The following CAPN8 variants were observed in gnomAD, a reference collection of about 807,000 sequenced individuals.
The protein encoded by CAPN8 is calpain 8.
Under a neutral mutation model 80.9 loss-of-function variants are expected in CAPN8, and 87 were observed. That is an observed-to-expected ratio of 1.07 (90% CI 0.90 to 1.28). The LOEUF (loss-of-function observed/expected upper bound fraction) is 1.28. CAPN8 is among the 50% of genes most tolerant of loss of function. The pLI, the probability that CAPN8 is intolerant of heterozygous loss-of-function variation, is 0.00. For synonymous variants in CAPN8, 299 were observed against 273.8 expected (o/e 1.09, Z -0.91); for missense variants, 757 against 702.0 (o/e 1.08, Z -0.89).
intron 9 of CAPN8, chr1:223,617,956 T>G: frequency 2.9e-6 from 1 of 343,712 alleles, no homozygotes; most frequent in Non-Finnish European, 5.4e-6. Flanking sequence ...AGCTTTGGGT[T>G]GGATGGGTGA....
At chr1:223,649,515 C>T (rs1332289687) in intron 2 of CAPN8, among the ~76,000 whole-genome samples, 1 of 152,166 alleles carries the variant, frequency 6.6e-6, no homozygotes, top group Non-Finnish European at 1.5e-5. Flanking sequence ...ACCTCCAACC[C>T]CCTTAATGTA....
At chr1:223,550,647 G>C (rs1656758526) in intron 15 of CAPN8, among the ~76,000 whole-genome samples, 1 of 152,136 alleles carries the variant, frequency 6.6e-6, no homozygotes, top group Non-Finnish European at 1.5e-5. Flanking sequence ...ATTCACTTAA[G>C]TCAATCCCAG....
intron 4 of CAPN8, among the ~76,000 whole-genome samples, chr1:223,627,416 T>G (rs1327530078): frequency 1.3e-5 from 2 of 152,202 alleles, no homozygotes; most frequent in African/African-American, 2.4e-5. Context: ...CCTCCAGAGT[T>G]GGCCCCAGCT....
Position 223,654,325 on chromosome 1 carries a change from C to T in CAPN8, c.307+5G>A. The T allele has an allele frequency of 6.4e-7, 1 of 1,551,546 alleles. No individual in the cohort carries two copies. The highest frequency in any genetic ancestry group is 8.7e-7 in the Non-Finnish European group (1 of 1,146,878). On this transcript the variant is annotated splice_donor_5th_base_variant and intron_variant, in intron 2 of 20. Transcript: ENST00000366872. The stretch of plus-strand genomic sequence containing the variant: ...AAACAAATAAGACTCTCCCCAGTTA[C>T]TCACCTAGACCACCCTGACAAATGT...
chr1:223,656,513 A>G (rs1368237536), intron 1 of CAPN8, among the ~76,000 whole-genome samples: 1 of 152,102 alleles, frequency 6.6e-6, no homozygotes, highest in Non-Finnish European at 1.5e-5. Flanking sequence ...AAAAACTAAT[A>G]CATGAACATG....
chr1:223,650,474 C>T (rs1015790217), intron 2 of CAPN8, among the ~76,000 whole-genome samples: 15 of 152,206 alleles, frequency 9.9e-5, no homozygotes, highest in Admixed American at 5.2e-4. Context: ...CATCACAGTC[C>T]TTTTCTGAGA....
chr1:223,543,072 A>G (rs563902175), intron 20 of CAPN8, 36 bp downstream of exon 20: 11 of 1,550,784 alleles, frequency 7.1e-6, no homozygotes, highest in Non-Finnish European at 9.6e-6. Flanking sequence ...TCAGAGTACC[A>G]TCAGCCAGCA....
intron 18 of CAPN8, chr1:223,544,403 C>T (rs776001640): frequency 1.7e-6 from 1 of 588,268 alleles, no homozygotes; most frequent in East Asian, 2.8e-5. Context: ...AATTCCAGGT[C>T]CAGCGCTAGT....
chr1:223,558,367 G>GT (rs1656952044), intron 12 of CAPN8, among the ~76,000 whole-genome samples, 200 bp from the exon 13 acceptor site: 2 of 152,150 alleles, frequency 1.3e-5, no homozygotes, highest in South Asian at 4.1e-4. Context: ...CCCACCCTGA[G>GT]TTTTTCATCA....
intron 16 of CAPN8, among the ~76,000 whole-genome samples, chr1:223,548,153 A>C (rs1275762691): frequency 6.6e-6 from 1 of 152,140 alleles, no homozygotes; most frequent in Non-Finnish European, 1.5e-5. Context: ...CACAGTAAAG[A>C]TCATCATGGA....
At chr1:223,551,957 G>T (rs991345424) in intron 14 of CAPN8, among the ~76,000 whole-genome samples, 1 of 152,184 alleles carries the variant, frequency 6.6e-6, no homozygotes, top group Non-Finnish European at 1.5e-5. Flanking sequence ...CATATTCTGT[G>T]TGCATCTGGG....
rs1043123727 is a variant in CAPN8, at chr1:223,654,445, A to G, written c.238-46T>C. The stretch of plus-strand genomic sequence containing the variant: ...AACACAAGTCACAAGGTGCTCAGTG[A>G]TGGCAGCAGCCTGGGGAAAGGAACA... On this transcript the variant is annotated intron_variant, in intron 1 of 20. Transcript: ENST00000366872. The G allele has an allele frequency of 2.6e-6, 4 of 1,512,926 alleles. No individual in the cohort carries two copies. The African/African-American group carries it at 5.5e-5, about 21-fold the overall frequency. The allele number at this position is 1,512,926 out of a possible 1,614,324, so 93.7% of individuals were successfully genotyped here.
intron 2 of CAPN8, among the ~76,000 whole-genome samples, chr1:223,640,232 A>T (rs995040580): frequency 7.2e-5 from 11 of 152,202 alleles, no homozygotes; most frequent in Non-Finnish European, 1.6e-4. Context: ...AAAATGAGAT[A>T]AGATACGCAA....
intron 9 of CAPN8, chr1:223,618,311 C>T (rs748630878): frequency 1.5e-5 from 24 of 1,549,992 alleles, no homozygotes; most frequent in Admixed American, 3.9e-5. Flanking sequence ...TGATCTTCTG[C>T]GAGCCAGGAA....
chr1:223,544,084 C>A lies in CAPN8; in HGVS notation c.2012G>T (p.Arg671Leu), dbSNP rs778577037. The A allele has an allele frequency of 4.2e-6, 3 of 718,088 alleles. No homozygotes were observed. Among genetic ancestry groups the A allele is most frequent in the South Asian group, 1.5e-5 (1 of 67,606 alleles). The allele number at this position is 718,088 out of a possible 1,614,324, so 44.5% of individuals were successfully genotyped here. Residue 671 changes from arginine to leucine, a missense_variant, in exon 19 of 21, where the codon CGC becomes CTC. Arg to Leu is a moderately radical substitution (Grantham distance 102). Coordinates refer to ENST00000366872, the MANE Select transcript of CAPN8 (RefSeq NM_001143962.2). The stretch of plus-strand genomic sequence containing the variant: ...TGACTCACTGAAGAGGGTCTCCAGG[C>A]GGATCATACAAGCCACGAAGCTGTC... ...NFDSFVACMI[R>L]LETLFKLFSL... is the part of the protein sequence containing the mutation.
chr1:223,639,253 AT>A (rs1298459031), intron 2 of CAPN8, among the ~76,000 whole-genome samples: 1 of 152,220 alleles, frequency 6.6e-6, no homozygotes, highest in African/African-American at 2.4e-5. Context: ...AAATAAAAAA[AT>A]AAAATAAAAT....
rs372059473 is a variant in CAPN8 at position 223,625,057 on chromosome 1, C to T, written c.813+748G>A. On this transcript the variant is annotated intron_variant, in intron 6 of 20. Transcript: ENST00000366872. ...GCAGTGAGCCGAGATTGCATCACTGCACTCCAGCCTGGGCGACAGAGCGAG... is the reference window on the plus strand; with the variant it reads ...GCAGTGAGCCGAGATTGCATCACTGTACTCCAGCCTGGGCGACAGAGCGAG... 4.6e-5 allele frequency among the ~76,000 whole-genome samples: 7 copies of T among 152,160 alleles called. No homozygotes were observed. The South Asian group carries it at 6.2e-4, about 14-fold the overall frequency.
chr1:223,545,852 G>A (rs1656607251), intron 16 of CAPN8, among the ~76,000 whole-genome samples: 1 of 136,914 alleles, frequency 7.3e-6, no homozygotes, highest in Non-Finnish European at 1.5e-5. Context: ...TTGAGACGGA[G>A]TCTCTCTGTC....
chr1:223,661,994 A>T (rs72747974), intron 1 of CAPN8, among the ~76,000 whole-genome samples: 8,489 of 152,316 alleles, frequency 0.056, 295 homozygotes, highest in Non-Finnish European at 0.071. Context: ...TTTGAAAGGA[A>T]GGAAATTTTG....
Sources: allele counts gnomAD v4.1 joint callset (sites outside exome capture counted in the v4.1 genomes callset), GRCh38; gene constraint gnomAD v4.1.1; transcripts MANE v1.5; gene names NCBI Gene and HGNC (gene_info 2026-07-23, HGNC 2026-07-21).